The following QRFPR variants were observed in gnomAD, a reference collection of about 807,000 sequenced individuals.
QRFPR encodes pyroglutamylated RFamide peptide receptor, also known as pyroglutamylated RF-amide peptide receptor.
QRFPR carries 37 observed loss-of-function variants against 31.3 expected under a neutral mutation model. That is an observed-to-expected ratio of 1.18 (90% confidence interval 0.91 to 1.56). The LOEUF (loss-of-function observed/expected upper bound fraction) is 1.56, where lower values mean the gene tolerates loss of function less well. QRFPR is among the 40% of genes most tolerant of loss of function. The pLI is 0.00. For missense variants in QRFPR, 542 were observed against 532.5 expected (o/e 1.02, Z -0.18); for synonymous variants, 197 against 192.0 (o/e 1.03, Z -0.22).
chr4:121,342,605 T>C (rs920729807), intron 1 of QRFPR, among the ~76,000 whole-genome samples: 1 of 152,160 alleles, frequency 6.6e-6, no homozygotes, highest in African/African-American at 2.4e-5. Flanking sequence ...TGATATATAA[T>C]ATATATGCTG....
rs192866571 is a variant in QRFPR, at chr4:121,354,090, C to T, written c.341-13480G>A. 2.3e-3 allele frequency among the ~76,000 whole-genome samples: 355 copies of T among 152,150 alleles called. 1 individual carries two copies. The highest frequency in any genetic ancestry group is 8.0e-3 in the African/African-American group (334 of 41,514). On this transcript the variant is annotated intron_variant, in intron 1 of 5. Coordinates refer to ENST00000394427, the MANE Select transcript of QRFPR (RefSeq NM_198179.3). ...ATGTGTCTCTTTTTCATGCTAACAC[C>T]TTGCTGTTTTGATTCCTATAGTTTT...
intron 1 of QRFPR, among the ~76,000 whole-genome samples, chr4:121,378,144 C>T (rs1214398074): frequency 6.6e-6 from 1 of 152,130 alleles, no homozygotes; most frequent in East Asian, 1.9e-4. Context: ...CATGGCATGA[C>T]CAATATTTTT....
intron 1 of QRFPR, among the ~76,000 whole-genome samples, chr4:121,368,292 C>G (rs183301313): frequency 6.7e-6 from 1 of 150,224 alleles, no homozygotes; most frequent in Non-Finnish European, 1.5e-5. Context: ...ACATAAACCT[C>G]AAGACTATAA....
intron 1 of QRFPR, among the ~76,000 whole-genome samples, chr4:121,371,636 T>C (rs148436229): frequency 6.6e-6 from 1 of 152,330 alleles, no homozygotes; most frequent in African/African-American, 2.4e-5. Flanking sequence ...AGAAACCTAG[T>C]GCAGGGCTTG....
intron 1 of QRFPR, among the ~76,000 whole-genome samples, chr4:121,361,759 A>C (rs1329857437): frequency 6.7e-6 from 1 of 150,214 alleles, no homozygotes; most frequent in Non-Finnish European, 1.5e-5. Flanking sequence ...AATATTTCCC[A>C]GACTAAAATA....
At chr4:121,369,261 T>G (rs1726186800) in intron 1 of QRFPR, among the ~76,000 whole-genome samples, 1 of 152,196 alleles carries the variant, frequency 6.6e-6, no homozygotes, top group African/African-American at 2.4e-5. Flanking sequence ...ACTCCTGACC[T>G]CAGGTGATCC....
At chr4:121,352,158 T>C (rs1376089391) in intron 1 of QRFPR, among the ~76,000 whole-genome samples, 1 of 152,134 alleles carries the variant, frequency 6.6e-6, no homozygotes, top group African/African-American at 2.4e-5. Flanking sequence ...ATTAGAATGT[T>C]TTGGATTATG....
intron 2 of QRFPR, among the ~76,000 whole-genome samples, chr4:121,337,686 C>A (rs1402813461): frequency 7.6e-6 from 1 of 131,130 alleles, no homozygotes; most frequent in South Asian, 2.3e-4. Context: ...CAAACCTGTA[C>A]GTTGTGCACA....
intron 1 of QRFPR, among the ~76,000 whole-genome samples, chr4:121,347,518 A>G (rs1302339442): frequency 6.6e-6 from 1 of 152,074 alleles, no homozygotes; most frequent in East Asian, 1.9e-4. Flanking sequence ...ATTTATTTGG[A>G]AAGGTTTTAG....
At chr4:121,333,626 C>G (rs982384573) in intron 3 of QRFPR, among the ~76,000 whole-genome samples, 1 of 152,134 alleles carries the variant, frequency 6.6e-6, no homozygotes, top group African/African-American at 2.4e-5. Flanking sequence ...AATTGGGATT[C>G]AAACTATTGC....
intron 1 of QRFPR, among the ~76,000 whole-genome samples, chr4:121,343,399 G>A (rs545383349): frequency 6.6e-6 from 1 of 152,260 alleles, no homozygotes; most frequent in Non-Finnish European, 1.5e-5. Flanking sequence ...GGCAACCCAA[G>A]AACCAATCCC....
intron 1 of QRFPR, among the ~76,000 whole-genome samples, chr4:121,369,212 A>G (rs1726185512): frequency 6.6e-6 from 1 of 152,114 alleles, no homozygotes; most frequent in Non-Finnish European, 1.5e-5. Flanking sequence ...TATTTTTAGT[A>G]GAGACAGGGT....
intron 3 of QRFPR, 35 bp downstream of exon 3, chr4:121,336,772 C>T: frequency 6.6e-7 from 1 of 1,511,684 alleles, no homozygotes; most frequent in Non-Finnish European, 9.2e-7. Flanking sequence ...GAAAATAGTT[C>T]AACAATATGA....
chr4:121,347,949 G>A (rs1279216371), intron 1 of QRFPR, among the ~76,000 whole-genome samples: 1 of 152,030 alleles, frequency 6.6e-6, no homozygotes, highest in African/African-American at 2.4e-5. Context: ...TGTCTCTAAA[G>A]CATACCTTAT....
Position 121,380,419 on chromosome 4 carries a change from G to A in QRFPR, c.229C>T (p.Arg77Cys). Residue 77 changes from arginine to cysteine, a missense_variant, in exon 1 of 6, where the codon CGC (arginine) becomes TGC (cysteine). Arg to Cys is a radical substitution (Grantham distance 180). Coordinates refer to ENST00000394427, the MANE Select transcript of QRFPR (RefSeq NM_198179.3). ...FYVVTRSKAM[R>C]TVTNIFICSL... ...CAGATAAAGATGTTGGTGACGGTGC[G>A]CATGGCCTTGCTGCGGGTCACCACG... The A allele has an allele frequency of 6.2e-7, 1 of 1,614,208 alleles. No homozygotes were observed. Among genetic ancestry groups the A allele is most frequent in the Non-Finnish European group, 8.5e-7 (1 of 1,180,028 alleles).
chr4:121,369,450 G>A (rs1214401186), intron 1 of QRFPR: 57 of 961,118 alleles, frequency 5.9e-5, no homozygotes, highest in Non-Finnish European at 9.0e-5. Context: ...GTGGGTGTGA[G>A]CACATTCAAG....
chr4:121,353,667 T>C (rs2110475838), intron 1 of QRFPR, among the ~76,000 whole-genome samples: 1 of 152,164 alleles, frequency 6.6e-6, no homozygotes, highest in East Asian at 1.9e-4. Flanking sequence ...TGGGTTACGT[T>C]TTCACTTTGT....
intron 1 of QRFPR, among the ~76,000 whole-genome samples, chr4:121,368,156 G>A (rs1047770876): frequency 6.7e-6 from 1 of 149,624 alleles, no homozygotes; most frequent in African/African-American, 2.5e-5. Context: ...TGCATAAAGG[G>A]ATGAGGCTCA....
intron 1 of QRFPR, among the ~76,000 whole-genome samples, chr4:121,373,147 T>C (rs1258357966): frequency 1.3e-5 from 2 of 152,240 alleles, no homozygotes; most frequent in Non-Finnish European, 2.9e-5. Flanking sequence ...AGAATAGTTA[T>C]GTTTTAGAAA....
Sources: gnomAD v4.1 joint callset for allele counts (sites outside exome capture counted in the v4.1 genomes callset) on GRCh38, gnomAD v4.1.1 for gene constraint, MANE v1.5 for transcripts, NCBI Gene and HGNC (gene_info 2026-07-23, HGNC 2026-07-21) for gene names.